Variants in PAX9 observed in about 807,000 individuals in gnomAD.
PAX9 encodes paired box protein Pax-9.
PAX9 carries 6 observed loss-of-function variants against 29.1 expected under a neutral mutation model. The ratio of observed to expected loss-of-function variants is 0.21; its 90% CI spans 0.11 to 0.41. The LOEUF is 0.41. Among genes scored for constraint, PAX9 ranks in the 10% least tolerant of loss-of-function variants. The pLI, the probability that PAX9 is intolerant of heterozygous loss-of-function variation, is 1.00. For missense variants in PAX9, 443 were observed against 479.1 expected, an observed-to-expected ratio of 0.92 and a Z score of 0.70; for synonymous variants, 217 against 211.7, an observed-to-expected ratio of 1.03 and a Z score of -0.22.
At chr14:36,661,313 C>T (rs1277288029), upstream of PAX9, among the ~76,000 whole-genome samples, 10 of 152,354 alleles carry the variant, frequency 6.6e-5, no homozygotes, top group South Asian at 1.7e-3. Flanking sequence ...CTCGGGCTCC[C>T]CGCAACCTCC....
intron 3 of PAX9, among the ~76,000 whole-genome samples, chr14:36,672,786 T>G (rs1385532617): frequency 7.1e-6 from 1 of 141,644 alleles, no homozygotes; most frequent in Non-Finnish European, 1.5e-5. Context: ...TTTATGTTTG[T>G]TTTTTTTTTT....
chr14:36,669,744 A>T (rs73260505), intron 3 of PAX9, among the ~76,000 whole-genome samples: 6,093 of 152,152 alleles, frequency 0.04, 146 homozygotes, highest in African/African-American at 0.062. Flanking sequence ...CTATGCATAT[A>T]CCTATCTTTT....
intron 3 of PAX9, among the ~76,000 whole-genome samples, chr14:36,667,680 C>CAG (rs1295813896): frequency 6.6e-6 from 1 of 152,196 alleles, no homozygotes; most frequent in African/African-American, 2.4e-5. Context: ...ATTTCCACTT[C>CAG]CTCTTCCCTC....
At chr14:36,658,334 G>T (rs1329783330), upstream of PAX9, among the ~76,000 whole-genome samples, 3 of 151,214 alleles carry the variant, frequency 2.0e-5, no homozygotes, top group African/African-American at 7.3e-5. Flanking sequence ...CAACTCCTCC[G>T]AGTGGACAAG....
upstream of PAX9, chr14:36,658,585 T>A (rs71405776): frequency 4.8e-3 from 725 of 152,328 alleles, 4 homozygotes; most frequent in Middle Eastern, 0.058. Flanking sequence ...TCGGTCCAGG[T>A]TGGGGATACA....
Position 36,678,604 on chromosome 14 carries a change from G to A in PAX9, c.*2152G>A. On this transcript the variant is annotated 3_prime_UTR_variant, in exon 4 of 4. Transcript: ENST00000361487. Reference sequence around the variant, plus strand: ...CCTGTCATCTGAAAAACTGATGTAAGGTACAGAACTATTCTTTATCAAATG... The same window carrying A: ...CCTGTCATCTGAAAAACTGATGTAAAGTACAGAACTATTCTTTATCAAATG... 6.9e-7 allele frequency: 1 copy of A among 1,457,062 alleles called. No homozygotes were observed. The highest frequency in any genetic ancestry group is 2.4e-5 in the Admixed American group (1 of 41,664). The allele number at this position is 1,457,062 out of a possible 1,614,324, so 90.3% of individuals were successfully genotyped here. A position where few individuals can be genotyped will look rare whatever the true frequency, so the allele number is the denominator to read the frequency against.
chr14:36,678,326 C>T lies in PAX9; in HGVS notation c.*1874C>T, dbSNP rs1882005697. Reference sequence around the variant, plus strand: ...CAGACAGCAGATATCTTATAGAGAGCTTTGAACTGCATTTATTTCTAAAGC... The same window carrying T: ...CAGACAGCAGATATCTTATAGAGAGTTTTGAACTGCATTTATTTCTAAAGC... On this transcript the variant is annotated 3_prime_UTR_variant, in exon 4 of 4. Transcript: ENST00000361487. 1.5e-6 allele frequency: 1 copy of T among 651,892 alleles called. No individual in the cohort carries two copies. Among genetic ancestry groups the T allele is most frequent in the East Asian group, 2.7e-5 (1 of 36,744 alleles). 40.4% of individuals were successfully genotyped at this position (651,892 alleles called of 1,614,324 possible).
chr14:36,679,198 T>TTTTG lies in PAX9; in HGVS notation c.*2750_*2753dup. The TTTTG allele has an allele frequency of 1.0e-6, 1 of 985,034 alleles. No homozygotes were observed. The highest frequency in any genetic ancestry group is 4.7e-5 in the South Asian group (1 of 21,284). 61.0% of individuals were successfully genotyped at this position (985,034 alleles called of 1,614,324 possible). A position where few individuals can be genotyped will look rare whatever the true frequency, so the allele number is the denominator to read the frequency against. Reference sequence around the variant, plus strand: ...TTATTTCTTTTTTTTCACAATTTTGTTTTGTTTTTAATGACCCTTTTATTG... The same window carrying TTTTG: ...TTATTTCTTTTTTTTCACAATTTTGTTTTGTTTGTTTTTAATGACCCTTTTATTG... On this transcript the variant is annotated 3_prime_UTR_variant, in exon 4 of 4. Coordinates refer to ENST00000361487, the MANE Select transcript of PAX9 (RefSeq NM_001372076.1).
chr14:36,662,198 G>A (rs1330025829), intron 1 of PAX9, 105 bp downstream of exon 1: 9 of 1,252,810 alleles, frequency 7.2e-6, no homozygotes, highest in African/African-American at 1.5e-5. Flanking sequence ...GCCACTAGGC[G>A]CTCACATTCT....
At chr14:36,666,893 T>C (rs900230922) in intron 3 of PAX9, among the ~76,000 whole-genome samples, 1 of 152,040 alleles carries the variant, frequency 6.6e-6, no homozygotes, top group Non-Finnish European at 1.5e-5. Flanking sequence ...TCCAGGCCTG[T>C]CGGCCTCCGG....
At position 36,666,448 on chromosome 14, in the gene PAX9, C is replaced by T; in HGVS notation, c.632-14C>T. 6.2e-7 allele frequency: 1 copy of T among 1,609,634 alleles called. No homozygotes were observed. The highest frequency in any genetic ancestry group is 8.5e-7 in the Non-Finnish European group (1 of 1,178,532). On this transcript the variant is annotated splice_polypyrimidine_tract_variant and intron_variant, in intron 2 of 3. Transcript: ENST00000361487. ...CTGGGCCTCCGGCCTGACACCCTCT[C>T]TTCTCTCCATCAGTGAGCGACAGCT... is the stretch of plus-strand genomic sequence containing the variant.
chr14:36,672,421 C>A (rs1170510504), intron 3 of PAX9, among the ~76,000 whole-genome samples: 1 of 152,130 alleles, frequency 6.6e-6, no homozygotes, highest in African/African-American at 2.4e-5. Flanking sequence ...TCAATGCTAC[C>A]TGTAGTTGTT....
rs757397387 is a variant in PAX9, at chr14:36,662,105, C to G, written c.4+12C>G. 9.5e-7 allele frequency: 1 copy of G among 1,054,074 alleles called. No individual in the cohort carries two copies. The allele number at this position is 1,054,074 out of a possible 1,614,324, so 65.3% of individuals were successfully genotyped here. A position where few individuals can be genotyped will look rare whatever the true frequency, so the allele number is the denominator to read the frequency against. On this transcript the variant is annotated intron_variant, in intron 1 of 3. Coordinates refer to ENST00000361487, the MANE Select transcript of PAX9 (RefSeq NM_001372076.1). ...GCTCGGAGCAATGGGTGAGTGGCGGCGGGGGACTCTGTCAGAGCCGGGAAG... is the reference window on the plus strand; with the variant it reads ...GCTCGGAGCAATGGGTGAGTGGCGGGGGGGGACTCTGTCAGAGCCGGGAAG...
chr14:36,661,355 C>T (rs573873270), upstream of PAX9, among the ~76,000 whole-genome samples: 8 of 152,354 alleles, frequency 5.3e-5, no homozygotes, highest in African/African-American at 1.7e-4. Flanking sequence ...CTTCTCACAC[C>T]TGCGCTCTCG....
At chr14:36,674,829 T>C (rs1881824747) in intron 3 of PAX9, among the ~76,000 whole-genome samples, 1 of 152,232 alleles carries the variant, frequency 6.6e-6, no homozygotes, top group Admixed American at 6.5e-5. Flanking sequence ...GGCTAACCCC[T>C]CTAATATTTT....
intron 3 of PAX9, among the ~76,000 whole-genome samples, chr14:36,669,395 C>T (rs1474401278): frequency 6.6e-6 from 1 of 152,008 alleles, no homozygotes; most frequent in Non-Finnish European, 1.5e-5. Context: ...ACGTATTTTT[C>T]CCTCTGCTTA....
At chr14:36,666,198 G>A in intron 2 of PAX9, 1 of 516,912 alleles carries the variant, frequency 1.9e-6, no homozygotes, top group South Asian at 2.8e-5. Context: ...ATCAAAAACC[G>A]GTTGAAAAAG....
Position 36,666,524 on chromosome 14 carries a change from A to G in PAX9, c.694A>G (p.Asn232Asp). The change falls in exon 3 of 4, where the codon AAC becomes GAC. Residue 232 changes from asparagine to aspartate, a missense_variant. Coordinates refer to ENST00000361487, the MANE Select transcript of PAX9 (RefSeq NM_001372076.1). ...VEEWSSLGRN[N>D]FPAAAPHAVN... is the part of the protein sequence containing the mutation. ...GGAGTGGAGCAGCCTGGGCCGCAAC[A>G]ACTTCCCCGCCGCCGCCCCGCACGC... 1 of 1,601,304 alleles carries G rather than the reference A, an allele frequency of 6.2e-7. No individual in the cohort carries two copies.
chr14:36,670,097 T>C (rs1178757208), intron 3 of PAX9, among the ~76,000 whole-genome samples: 1 of 152,080 alleles, frequency 6.6e-6, no homozygotes, highest in East Asian at 1.9e-4. Context: ...AATTAATGCC[T>C]CAATTTTATT....
Sources: allele counts gnomAD v4.1 joint callset (sites outside exome capture counted in the v4.1 genomes callset), GRCh38; gene constraint gnomAD v4.1.1; transcripts MANE v1.5; gene names NCBI Gene and HGNC (gene_info 2026-07-23, HGNC 2026-07-21).